Variants in MCF2L observed in about 807,000 individuals in gnomAD.
The protein encoded by MCF2L is MCF.2 cell line derived transforming sequence like.
A neutral mutation model predicts 153.4 loss-of-function variants in MCF2L; 97 were observed. The observed-to-expected ratio is 0.63, with a 90% CI of 0.54 to 0.75. MCF2L has a LOEUF of 0.75. MCF2L is among the 30% of genes least tolerant of loss of function. The pLI is 0.00. For missense variants in MCF2L, 1,347 were observed against 1,495.2 expected (o/e 0.90, Z 1.64); for synonymous variants, 659 against 632.2 (o/e 1.04, Z -0.64).
At chr13:113,057,066 G>GGGTGCTGAGTGTTTT (rs1429056377) in intron 4 of MCF2L, among the ~76,000 whole-genome samples, 1 of 146,832 alleles carries the variant, frequency 6.8e-6, no homozygotes, top group African/African-American at 2.6e-5. Flanking sequence ...CTGTGTGTTT[G>GGGTGCTGAGTGTTTT]GGTGCTGAGT....
intron 20 of MCF2L, 78 bp downstream of exon 20, chr13:113,085,256 C>A: frequency 2.4e-6 from 3 of 1,249,630 alleles, no homozygotes; most frequent in Non-Finnish European, 3.5e-6. Context: ...GGGCCCCGTC[C>A]CCATCGCGCC....
At chr13:113,050,153 AGTGTGT>A (rs1199587013) in intron 4 of MCF2L, among the ~76,000 whole-genome samples, 7 of 151,498 alleles carry the variant, frequency 4.6e-5, no homozygotes, top group African/African-American at 9.7e-5. Context: ...TGCATGTGTG[AGTGTGT>A]GAGTGTGAGT....
In MCF2L at chr13:113,094,629, G is replaced by A; in HGVS notation, c.3069G>A (p.Lys1023=). Residue 1023 remains lysine, a synonymous_variant, in exon 27 of 30, where the codon AAG becomes AAA. Transcript: ENST00000535094. ...DAEEDGGLGP[K]KLVPGKYTVV... Reference sequence around the variant, plus strand: ...AGGAGGACGGCGGGTTGGGCCCCAAGAAGCTGGTAACCACGGCTTCCCTGT... The same window carrying A: ...AGGAGGACGGCGGGTTGGGCCCCAAAAAGCTGGTAACCACGGCTTCCCTGT... The A allele has an allele frequency of 6.2e-7, 1 of 1,610,278 alleles. No individual in the cohort carries two copies. Among genetic ancestry groups the A allele is most frequent in the Non-Finnish European group, 8.5e-7 (1 of 1,178,892 alleles).
chr13:113,011,417 C>T (rs1463516190), intron 1 of MCF2L, among the ~76,000 whole-genome samples: 1 of 151,844 alleles, frequency 6.6e-6, no homozygotes, highest in South Asian at 2.1e-4. Context: ...AGATGATGGA[C>T]AGGTGGTGTG....
chr13:113,047,362 T>C (rs1416086484), intron 4 of MCF2L: 2 of 152,226 alleles, frequency 1.3e-5, no homozygotes, highest in Admixed American at 6.5e-5. Flanking sequence ...TGCCTTTCAT[T>C]ATTGTACGTC....
At chr13:113,087,509 G>A (rs2034748781) in intron 22 of MCF2L, 53 bp downstream of exon 22, 5 of 1,451,258 alleles carry the variant, frequency 3.4e-6, no homozygotes, top group Non-Finnish European at 4.7e-6. Flanking sequence ...ACCCCGACGG[G>A]GGAAGTCTGT....
At chr13:113,063,431 C>G (rs909604104) in intron 5 of MCF2L, among the ~76,000 whole-genome samples, 1 of 123,044 alleles carries the variant, frequency 8.1e-6, no homozygotes, top group African/African-American at 2.8e-5. Flanking sequence ...CACACAGCCG[C>G]CCACAGCGTT....
At chr13:113,015,647 C>T (rs979026848) in intron 2 of MCF2L, among the ~76,000 whole-genome samples, 1 of 152,210 alleles carries the variant, frequency 6.6e-6, no homozygotes, top group African/African-American at 2.4e-5. Flanking sequence ...CACCCCAGGC[C>T]GGGCCTTGGG....
At position 113,097,079 on chromosome 13, in the gene MCF2L, G is replaced by C; in HGVS notation, c.*220G>C. ...AGACTCCAGAGCCCACAGAGGAGGG[G>C]CCGCAGGGAACAGCCCCGGGCGGCA... On this transcript the variant is annotated 3_prime_UTR_variant, in exon 30 of 30. Transcript: ENST00000535094. 1 of 362,706 alleles carries C rather than the reference G, an allele frequency of 2.8e-6. No homozygotes were observed. Among genetic ancestry groups the C allele is most frequent in the Non-Finnish European group, 4.9e-6 (1 of 203,934 alleles). 22.5% of individuals were successfully genotyped at this position (362,706 alleles called of 1,614,324 possible).
At chr13:112,898,992 C>G (rs529975249) in intron 1 of MCF2L, among the ~76,000 whole-genome samples, 1 of 152,346 alleles carries the variant, frequency 6.6e-6, no homozygotes, top group South Asian at 2.1e-4. Context: ...CCCCCCATGC[C>G]GGGTCTGCCC....
chr13:112,896,501 G>A (rs1406974241), intron 1 of MCF2L, among the ~76,000 whole-genome samples: 1 of 152,078 alleles, frequency 6.6e-6, no homozygotes, highest in African/African-American at 2.4e-5. Context: ...TTGTAACGTG[G>A]TGGGAGAAGG....
chr13:112,957,033 T>A (rs1489322815), intron 2 of MCF2L: 3 of 152,152 alleles, frequency 2.0e-5, no homozygotes, highest in Non-Finnish European at 2.9e-5. Context: ...GGCTACTGCG[T>A]GTCGTTCTTG....
At chr13:113,037,495 A>C (rs1178529694) in intron 3 of MCF2L, among the ~76,000 whole-genome samples, 1 of 152,210 alleles carries the variant, frequency 6.6e-6, no homozygotes, top group Non-Finnish European at 1.5e-5. Flanking sequence ...CCTGGGTTAC[A>C]TTTGTCATCA....
chr13:113,015,243 G>A (rs796672347), intron 2 of MCF2L, among the ~76,000 whole-genome samples: 9 of 152,240 alleles, frequency 5.9e-5, no homozygotes, highest in South Asian at 2.1e-4. Flanking sequence ...CCAGCCCTGC[G>A]TCTGGCACAC....
intron 2 of MCF2L, among the ~76,000 whole-genome samples, chr13:112,923,752 T>C (rs186861922): frequency 7.9e-5 from 12 of 152,288 alleles, no homozygotes; most frequent in African/African-American, 2.9e-4. Flanking sequence ...CCAGAGTCTA[T>C]GAGTTGTCCC....
At chr13:112,980,384 G>A (rs1008470422) in intron 1 of MCF2L, among the ~76,000 whole-genome samples, 1 of 152,250 alleles carries the variant, frequency 6.6e-6, no homozygotes, top group Non-Finnish European at 1.5e-5. Flanking sequence ...CTGGAACCAC[G>A]GTGGGCTGTG....
Position 112,904,959 on chromosome 13 carries a change from T to A in MCF2L, c.169+2588T>A, listed in dbSNP as rs2081158064. ...CCATGAAATGTACCATTTTAACTAC[T>A]GTCAAGTGTAGAGTTCCCTGGTATG... On this transcript the variant is annotated intron_variant, in intron 2 of 29. Transcript: ENST00000375608. The surrounding 1 kb of genome is among the most constrained non-coding windows in gnomAD (Gnocchi z 4.2). Among the ~76,000 whole-genome samples, 1 of 152,232 alleles carries A rather than the reference T, an allele frequency of 6.6e-6. No individual in the cohort carries two copies. The highest frequency in any genetic ancestry group is 1.5e-5 in the Non-Finnish European group (1 of 68,034).
intron 1 of MCF2L, among the ~76,000 whole-genome samples, chr13:112,974,745 CAGA>C (rs2082159704): frequency 6.6e-6 from 1 of 152,168 alleles, no homozygotes; most frequent in Non-Finnish European, 1.5e-5. Context: ...GCATCACAAT[CAGA>C]AGTTCTCCAG....
At chr13:113,095,095 C>A (rs2035539539) in intron 27 of MCF2L, 6 of 1,356,546 alleles carry the variant, frequency 4.4e-6, no homozygotes, top group Non-Finnish European at 5.9e-6. Flanking sequence ...ACATACAATT[C>A]TCATTTTGTA....
Sources: gnomAD v4.1 joint callset for allele counts (sites outside exome capture counted in the v4.1 genomes callset) on GRCh38, gnomAD v4.1.1 for gene constraint, Gnocchi (gnomAD v3.1) non-coding constraint, MANE v1.5 for transcripts, NCBI Gene and HGNC (gene_info 2026-07-23, HGNC 2026-07-21) for gene names.